QSER1: variants seen among roughly 807,000 people sequenced by gnomAD.
The protein encoded by QSER1 is glutamine and serine rich 1.
In QSER1, 49 loss-of-function variants were observed where a neutral mutation model predicts 158.5. The observed-to-expected ratio is 0.31, with a 90% CI of 0.25 to 0.39. The LOEUF is 0.39. Among genes scored for constraint, QSER1 ranks in the 10% least tolerant of loss-of-function variants. QSER1 has a pLI of 1.00. For synonymous variants in QSER1, 650 were observed against 715.5 expected (o/e 0.91, Z 1.46); for missense variants, 1,754 against 2,010.3 (o/e 0.87, Z 2.44).
chr11:32,966,451 AGTAGTACTTCCTTG>A lies in QSER1; in HGVS notation c.5107+27_5107+40del, dbSNP rs1852750699. ...AGAAGAGCAATGGTACAGTCTTCTA[AGTAGTACTTCCTTG>A]GTAGTACTTCCTGGAATTAAAAAAA... is the stretch of plus-strand genomic sequence containing the variant. On this transcript the variant is annotated intron_variant, in intron 9 of 12. Transcript: ENST00000650167. The A allele has an allele frequency of 6.2e-7, 1 of 1,603,644 alleles. No homozygotes were observed. Among genetic ancestry groups the A allele is most frequent in the African/African-American group, 1.3e-5 (1 of 74,452 alleles).
intron 10 of QSER1, among the ~76,000 whole-genome samples, chr11:32,972,458 TAG>T (rs1241646164): frequency 2.7e-5 from 4 of 148,804 alleles, no homozygotes; most frequent in Non-Finnish European, 5.9e-5. Flanking sequence ...TATTTAGAGA[TAG>T]AGTCTCTCTC....
intron 8 of QSER1, among the ~76,000 whole-genome samples, chr11:32,965,280 A>G (rs150560062): frequency 2.0e-5 from 3 of 151,532 alleles, no homozygotes; most frequent in African/African-American, 7.3e-5. Flanking sequence ...CACGTGGCTA[A>G]TTTATATTTT....
intron 12 of QSER1, chr11:32,975,642 C>T: frequency 8.2e-7 from 1 of 1,217,808 alleles, no homozygotes. Flanking sequence ...TTTGTTCTCT[C>T]ACAGTGTATG....
chr11:32,975,507 TCTG>T (rs1159274850), intron 12 of QSER1, 164 bp downstream of exon 12: 1 of 1,479,336 alleles, frequency 6.8e-7, no homozygotes, highest in African/African-American at 1.4e-5. Flanking sequence ...TCTGAGTCTC[TCTG>T]CTATGTTTTG....
intron 1 of QSER1, among the ~76,000 whole-genome samples, chr11:32,917,836 A>AC (rs1851853912): frequency 6.6e-6 from 1 of 150,966 alleles, no homozygotes; most frequent in Non-Finnish European, 1.5e-5. Flanking sequence ...AAAAAAAAAA[A>AC]AAAAAAAACC....
chr11:32,924,031 G>A (rs577397688), intron 1 of QSER1, among the ~76,000 whole-genome samples: 2 of 152,080 alleles, frequency 1.3e-5, no homozygotes, highest in Non-Finnish European at 2.9e-5. Flanking sequence ...TTTAAAAAGC[G>A]AAAATGTGAA....
chr11:32,954,300 GTGTT>G, intron 5 of QSER1, 121 bp downstream of exon 5: 1 of 1,148,882 alleles, frequency 8.7e-7, no homozygotes, highest in Non-Finnish European at 1.2e-6. Context: ...TGCATTATAA[GTGTT>G]TGATAAAATC....
intron 1 of QSER1, among the ~76,000 whole-genome samples, chr11:32,898,150 C>T (rs990065307): frequency 2.0e-5 from 3 of 152,170 alleles, no homozygotes; most frequent in African/African-American, 4.8e-5. Context: ...AAAGCCTTTC[C>T]ATGGCTACTC....
At chr11:32,975,509 T>G in intron 12 of QSER1, 166 bp downstream of exon 12, 1 of 1,476,060 alleles carries the variant, frequency 6.8e-7, no homozygotes, top group Non-Finnish European at 9.0e-7. Context: ...TGAGTCTCTC[T>G]GCTATGTTTT....
In QSER1 at chr11:32,934,994, T is replaced by C. The variant is rs1852125115; in HGVS notation, c.3736T>C (p.Ser1246Pro). 2.5e-6 allele frequency: 4 copies of C among 1,613,972 alleles called. No homozygotes were observed. Among genetic ancestry groups the C allele is most frequent in the Admixed American group, 1.7e-5 (1 of 59,980 alleles). ...TATTTACTTACCGTATACTCCTCCTTCCTCAGAAAGCTGCCATGATGGTTA... is the reference window on the plus strand; with the variant it reads ...TATTTACTTACCGTATACTCCTCCTCCCTCAGAAAGCTGCCATGATGGTTA... Reference protein sequence around the residue: ...TDIYLPYTPPSSESCHDGYQH... With the variant: ...TDIYLPYTPPPSESCHDGYQH... The change falls in exon 4 of 13, where the codon TCC becomes CCC. Residue 1246 changes from serine to proline, a missense_variant. Physicochemically the swap from Ser to Pro is moderately conservative, Grantham distance 74. Coordinates refer to ENST00000650167, the MANE Select transcript of QSER1 (RefSeq NM_001076786.3).
chr11:32,979,207 A>G lies in QSER1; in HGVS notation c.*2733A>G, dbSNP rs905810535. 3 of 152,652 alleles carry G rather than the reference A, an allele frequency of 2.0e-5. No homozygotes were observed. The highest frequency in any genetic ancestry group is 4.8e-5 in the African/African-American group (2 of 41,454). The allele number at this position is 152,652 out of a possible 1,614,324, so 9.5% of individuals were successfully genotyped here. Reference sequence around the variant, plus strand: ...AAATACCTAGCTGGTTAGCATTTACATTCCTTGCCAGGGAGTTTGAAATTT... The same window carrying G: ...AAATACCTAGCTGGTTAGCATTTACGTTCCTTGCCAGGGAGTTTGAAATTT... On this transcript the variant is annotated 3_prime_UTR_variant, in exon 13 of 13. Transcript: ENST00000650167.
chr11:32,976,661 G>A lies in QSER1; in HGVS notation c.*187G>A. The A allele has an allele frequency of 1.7e-6, 1 of 573,426 alleles. No individual in the cohort carries two copies. Among genetic ancestry groups the A allele is most frequent in the Non-Finnish European group, 3.0e-6 (1 of 330,040 alleles). The allele number at this position is 573,426 out of a possible 1,614,324, so 35.5% of individuals were successfully genotyped here. A position where few individuals can be genotyped will look rare whatever the true frequency, so the allele number is the denominator to read the frequency against. ...GGAACGAAGTTAGTCCTCTGGAAATGGACCTAAATCCCACCACATTTTTAC... is the reference window on the plus strand; with the variant it reads ...GGAACGAAGTTAGTCCTCTGGAAATAGACCTAAATCCCACCACATTTTTAC... On this transcript the variant is annotated 3_prime_UTR_variant, in exon 13 of 13. Transcript: ENST00000650167.
chr11:32,956,191 AGGAGC>A (rs1183244203), intron 7 of QSER1, 70 bp downstream of exon 7: 22 of 1,319,370 alleles, frequency 1.7e-5, no homozygotes, highest in Non-Finnish European at 2.3e-5. Context: ...CAATGTACAA[AGGAGC>A]ATATCAATTA....
At chr11:32,918,913 T>G (rs919728726) in intron 1 of QSER1, among the ~76,000 whole-genome samples, 1 of 152,172 alleles carries the variant, frequency 6.6e-6, no homozygotes, top group Admixed American at 6.5e-5. Context: ...GGAACTGTTT[T>G]AGATTTACAG....
intron 1 of QSER1, among the ~76,000 whole-genome samples, chr11:32,924,096 G>C (rs748515943): frequency 6.6e-6 from 1 of 152,094 alleles, no homozygotes; most frequent in Non-Finnish European, 1.5e-5. Flanking sequence ...ATCTCAAAAT[G>C]AGTCACAGAC....
rs374163887 is a variant in QSER1, at chr11:32,955,398, G to A, written c.4603G>A (p.Ala1535Thr). Residue 1535 changes from alanine (A) to threonine (T), a missense_variant, in exon 6 of 13, where the codon GCT (alanine) becomes ACT (threonine). By Grantham distance (58) the Ala-to-Thr change is moderately conservative. Transcript: ENST00000650167. The part of the protein sequence containing the change: ...PEIRDGQREF[A>T]ATNSYLGYFG... ...AATTCGAGATGGTCAAAGAGAATTTGCTGCTACAAATAGTGTAAGTAAAAT... is the reference window on the plus strand; with the variant it reads ...AATTCGAGATGGTCAAAGAGAATTTACTGCTACAAATAGTGTAAGTAAAAT... 1.9e-6 allele frequency: 3 copies of A among 1,570,140 alleles called. No individual in the cohort carries two copies. The highest frequency in any genetic ancestry group is 2.6e-6 in the Non-Finnish European group (3 of 1,150,350).
intron 7 of QSER1, 87 bp downstream of exon 7, chr11:32,956,208 A>G: frequency 8.1e-7 from 1 of 1,239,628 alleles, no homozygotes; most frequent in Non-Finnish European, 1.1e-6. Context: ...TATCAATTAA[A>G]TAGATTTTTT....
At chr11:32,936,177 G>T (rs1279096527) in intron 4 of QSER1, among the ~76,000 whole-genome samples, 1 of 150,504 alleles carries the variant, frequency 6.6e-6, no homozygotes, top group African/African-American at 2.5e-5. Flanking sequence ...TCCTAATGCT[G>T]TCCCTCCCCC....
chr11:32,966,224 G>T, intron 8 of QSER1, 76 bp from the exon 9 acceptor site: 1 of 1,467,422 alleles, frequency 6.8e-7, no homozygotes, highest in Non-Finnish European at 9.3e-7. Context: ...CTGCTTCTAG[G>T]GTCTCGTTAT....
Sources: gnomAD v4.1 joint callset for allele counts (sites outside exome capture counted in the v4.1 genomes callset) on GRCh38, gnomAD v4.1.1 for gene constraint, MANE v1.5 for transcripts, NCBI Gene and HGNC (gene_info 2026-07-23, HGNC 2026-07-21) for gene names.